Variants in FRMD6 observed in about 807,000 individuals in gnomAD.
FRMD6 encodes FERM domain-containing protein 6.
A neutral mutation model predicts 73.2 loss-of-function variants in FRMD6; 37 were observed. The observed-to-expected ratio is 0.51, with a 90% confidence interval of 0.39 to 0.66. FRMD6 has a LOEUF of 0.66. Among genes scored for constraint, FRMD6 ranks in the 30% least tolerant of loss-of-function variants. The pLI, the probability that FRMD6 is intolerant of heterozygous loss-of-function variation, is 0.00. For synonymous variants in FRMD6, 273 were observed against 282.2 expected (o/e 0.97, Z 0.33); for missense variants, 714 against 780.5 (o/e 0.91, Z 1.02).
At chr14:51,418,185 T>G in the FRMD6 span, among the ~76,000 whole-genome samples, 2 of 152,168 alleles carry the variant, frequency 1.3e-5, no homozygotes, top group Non-Finnish European at 2.9e-5. Flanking sequence ...CCATCCAGCT[T>G]TGTTCCATTG....
the FRMD6 span, among the ~76,000 whole-genome samples, chr14:51,401,644 T>G: frequency 2.0e-5 from 3 of 152,228 alleles, no homozygotes; most frequent in Admixed American, 6.5e-5. Flanking sequence ...TTCCATTGTT[T>G]GGAACTTCCC....
the FRMD6 span, among the ~76,000 whole-genome samples, chr14:51,428,276 C>G: frequency 0.013 from 1,952 of 152,264 alleles, 23 homozygotes; most frequent in Non-Finnish European, 0.019. Flanking sequence ...GGCTGCCCCC[C>G]ACCCGACCCA....
the FRMD6 span, among the ~76,000 whole-genome samples, chr14:51,435,356 A>T: frequency 1.3e-5 from 2 of 151,814 alleles, no homozygotes; most frequent in Non-Finnish European, 2.9e-5. Flanking sequence ...TGGGAGGATC[A>T]CTTGAGCCCA....
At chr14:51,642,282 G>A (rs1367515459) in intron 2 of FRMD6, among the ~76,000 whole-genome samples, 3 of 152,156 alleles carry the variant, frequency 2.0e-5, no homozygotes, top group East Asian at 3.9e-4. Context: ...GCTCACGCTT[G>A]TAATCCCAGC....
chr14:51,482,080 T>A, the FRMD6 span, among the ~76,000 whole-genome samples: 19 of 152,216 alleles, frequency 1.2e-4, no homozygotes, highest in African/African-American at 4.6e-4. Context: ...TGGGGATCAT[T>A]TCATTATAGA....
chr14:51,464,894 G>A, the FRMD6 span, among the ~76,000 whole-genome samples: 1 of 152,144 alleles, frequency 6.6e-6, no homozygotes, highest in Non-Finnish European at 1.5e-5. Flanking sequence ...AAGAGAAATT[G>A]CATGCAGAAA....
intron 2 of FRMD6, among the ~76,000 whole-genome samples, chr14:51,607,722 C>A (rs907482283): frequency 4.6e-5 from 7 of 152,316 alleles, no homozygotes; most frequent in African/African-American, 1.7e-4. Flanking sequence ...CTTGCCATTT[C>A]CCTTACTTAA....
chr14:51,656,261 G>C (rs930034776), intron 1 of FRMD6, among the ~76,000 whole-genome samples: 2 of 152,178 alleles, frequency 1.3e-5, no homozygotes, highest in Non-Finnish European at 2.9e-5. Context: ...GAAGGGGAAA[G>C]AAATCATTGA....
chr14:51,704,079 A>G (rs1896488075), intron 5 of FRMD6, among the ~76,000 whole-genome samples: 1 of 152,120 alleles, frequency 6.6e-6, no homozygotes, highest in African/African-American at 2.4e-5. Flanking sequence ...GGGGAGTATA[A>G]TAATTGTCGT....
At chr14:51,688,233 G>A (rs1002344178) in intron 1 of FRMD6, among the ~76,000 whole-genome samples, 7 of 151,960 alleles carry the variant, frequency 4.6e-5, no homozygotes, top group Non-Finnish European at 7.4e-5. Context: ...GACCCCATGA[G>A]GTGATGTACT....
At chr14:51,626,154 C>A (rs576171628) in intron 2 of FRMD6, among the ~76,000 whole-genome samples, 2 of 152,270 alleles carry the variant, frequency 1.3e-5, no homozygotes, top group Non-Finnish European at 2.9e-5. Context: ...ATAAAAGGAA[C>A]ACGACCACAT....
intron 1 of FRMD6, among the ~76,000 whole-genome samples, chr14:51,554,380 T>G (rs1203151743): frequency 6.6e-6 from 1 of 152,194 alleles, no homozygotes; most frequent in Non-Finnish European, 1.5e-5. Flanking sequence ...TCCCAATTCC[T>G]TAATTGAGGC....
chr14:51,715,771 T>C (rs1286676410), intron 10 of FRMD6, among the ~76,000 whole-genome samples: 1 of 152,182 alleles, frequency 6.6e-6, no homozygotes, highest in African/African-American at 2.4e-5. Flanking sequence ...ATGCCTGACT[T>C]GAAAATACTT....
intron 6 of FRMD6, among the ~76,000 whole-genome samples, chr14:51,706,901 G>A (rs1347741719): frequency 1.3e-5 from 2 of 151,910 alleles, no homozygotes; most frequent in Non-Finnish European, 1.5e-5. Flanking sequence ...CATTTTTTTG[G>A]AGAGAAATCA....
chr14:51,451,471 T>C, the FRMD6 span, among the ~76,000 whole-genome samples: 621 of 152,344 alleles, frequency 4.1e-3, 6 homozygotes, highest in African/African-American at 0.014. Context: ...CCTCTTGGGT[T>C]CAATTGATTC....
the FRMD6 span, among the ~76,000 whole-genome samples, chr14:51,466,809 C>G: frequency 3.3e-5 from 5 of 152,302 alleles, no homozygotes; most frequent in East Asian, 7.7e-4. Flanking sequence ...TACATAGACT[C>G]TAAAAATCAA....
intron 1 of FRMD6, among the ~76,000 whole-genome samples, chr14:51,534,990 G>C (rs1290616973): frequency 6.6e-6 from 1 of 152,192 alleles, no homozygotes; most frequent in Non-Finnish European, 1.5e-5. Context: ...TTCAGGGAAA[G>C]GGAAGAGCAG....
chr14:51,648,548 C>T (rs577536589), upstream of FRMD6, among the ~76,000 whole-genome samples: 5 of 152,336 alleles, frequency 3.3e-5, no homozygotes, highest in African/African-American at 1.2e-4. Context: ...TTTGAGAGCA[C>T]TGTCTCAACC....
the FRMD6 span, among the ~76,000 whole-genome samples, chr14:51,405,593 T>G: frequency 6.6e-6 from 1 of 152,210 alleles, no homozygotes. Flanking sequence ...TTCAAATGTT[T>G]GTTTACCGCA....
Sources: allele counts gnomAD v4.1 joint callset (sites outside exome capture counted in the v4.1 genomes callset), GRCh38; gene constraint gnomAD v4.1.1; transcripts MANE v1.5; gene names NCBI Gene and HGNC (gene_info 2026-07-23, HGNC 2026-07-21).